LRIF1: variants seen among roughly 807,000 people sequenced by gnomAD.
LRIF1 encodes the protein ligand dependent nuclear receptor interacting factor 1.
In LRIF1, 32 loss-of-function variants were observed where a neutral mutation model predicts 52.7. The observed-to-expected ratio is 0.61, with a 90% CI of 0.46 to 0.82. LRIF1 has a LOEUF of 0.82. Among genes scored for constraint, LRIF1 ranks in the 40% least tolerant of loss-of-function variants. The pLI is 0.00. For missense variants in LRIF1, 887 were observed against 892.0 expected (o/e 0.99, Z 0.07); for synonymous variants, 323 against 317.4 (o/e 1.02, Z -0.19).
intron 1 of LRIF1, among the ~76,000 whole-genome samples, chr1:110,954,350 G>C (rs760178899): frequency 6.6e-6 from 1 of 151,924 alleles, no homozygotes; most frequent in Non-Finnish European, 1.5e-5. Context: ...GTACAATCTT[G>C]GCTCACTGCA....
the LRIF1 span, among the ~76,000 whole-genome samples, chr1:110,935,036 A>G: frequency 2.0e-5 from 3 of 152,106 alleles, no homozygotes; most frequent in Admixed American, 2.0e-4. Flanking sequence ...AGAGAACAGG[A>G]GCCTCTGCCT....
intron 1 of LRIF1, among the ~76,000 whole-genome samples, chr1:110,961,530 A>T (rs1658946486): frequency 6.6e-6 from 1 of 152,176 alleles, no homozygotes. Flanking sequence ...CTAAGATTAA[A>T]TTTGGGTTTT....
At position 110,948,223 on chromosome 1, in the gene LRIF1, C is replaced by T. The variant is rs996755422; in HGVS notation, c.2046G>A (p.Thr682=). ...TTTCTTGTCTGGTTTTGCTGTGACT[C>T]GTGAGAATGTTATGTTGTGACACAT... The part of the protein sequence containing the change: ...TSDVSQHNIL[T]SHSKTRQEKR... The change falls in exon 4 of 4, where the codon ACG becomes ACA. Residue 682 remains threonine (T), a synonymous_variant. Coordinates refer to ENST00000369763, the MANE Select transcript of LRIF1 (RefSeq NM_018372.4). The T allele has an allele frequency of 2.4e-5, 39 of 1,613,908 alleles. No homozygotes were observed. The highest frequency in any genetic ancestry group is 3.3e-4 in the Middle Eastern group (2 of 6,082).
chr1:110,875,239 A>T, the LRIF1 span, among the ~76,000 whole-genome samples: 1 of 152,182 alleles, frequency 6.6e-6, no homozygotes, highest in Non-Finnish European at 1.5e-5. Flanking sequence ...GCAGTGTAAC[A>T]CACCATGTTT....
At chr1:110,938,747 T>C in the LRIF1 span, 1 of 152,174 alleles carries the variant, frequency 6.6e-6, no homozygotes, top group Admixed American at 6.5e-5. Context: ...GGCATCCAGA[T>C]TGGACAGGAA....
At chr1:110,916,342 A>G in the LRIF1 span, among the ~76,000 whole-genome samples, 1 of 152,210 alleles carries the variant, frequency 6.6e-6, no homozygotes, top group Non-Finnish European at 1.5e-5. Context: ...AAAGAAGATG[A>G]ACATATTGAT....
At chr1:110,892,493 G>T in the LRIF1 span, 2 of 1,614,014 alleles carry the variant, frequency 1.2e-6, no homozygotes, top group Non-Finnish European at 1.7e-6. Flanking sequence ...TTCCTGGGCT[G>T]CATGGGCTCT....
chr1:110,950,506 C>T (rs1658423613), intron 2 of LRIF1, among the ~76,000 whole-genome samples: 1 of 152,086 alleles, frequency 6.6e-6, no homozygotes, highest in African/African-American at 2.4e-5. Context: ...AATTTACCTC[C>T]TTACATCTCT....
chr1:110,953,902 T>G (rs894328109), intron 1 of LRIF1, among the ~76,000 whole-genome samples: 2 of 152,158 alleles, frequency 1.3e-5, no homozygotes, highest in African/African-American at 4.8e-5. Flanking sequence ...ACATTATGCT[T>G]GTTAGCTTCC....
chr1:110,901,787 T>C, the LRIF1 span, among the ~76,000 whole-genome samples: 1 of 152,242 alleles, frequency 6.6e-6, no homozygotes, highest in Non-Finnish European at 1.5e-5. Context: ...GACATTCTCT[T>C]GAGTATCACA....
At chr1:110,919,558 G>A in the LRIF1 span, among the ~76,000 whole-genome samples, 2 of 151,930 alleles carry the variant, frequency 1.3e-5, no homozygotes, top group African/African-American at 2.4e-5. Flanking sequence ...TATTAGTTCC[G>A]TCCCTCTAGG....
the LRIF1 span, among the ~76,000 whole-genome samples, chr1:110,889,327 C>T: frequency 1.3e-5 from 2 of 151,684 alleles, no homozygotes; most frequent in African/African-American, 2.4e-5. Context: ...GAGGCTGAGA[C>T]GGGTAGATCA....
At chr1:110,911,872 A>G in the LRIF1 span, among the ~76,000 whole-genome samples, 1 of 152,212 alleles carries the variant, frequency 6.6e-6, no homozygotes, top group Non-Finnish European at 1.5e-5. Flanking sequence ...ATTAAGAGCT[A>G]TCTATGACAA....
the LRIF1 span, among the ~76,000 whole-genome samples, chr1:110,895,743 A>G: frequency 6.6e-6 from 1 of 152,124 alleles, no homozygotes; most frequent in South Asian, 2.1e-4. Flanking sequence ...TTATTACATA[A>G]TTTTTAGAAA....
chr1:110,886,995 A>G, the LRIF1 span, among the ~76,000 whole-genome samples: 1 of 151,022 alleles, frequency 6.6e-6, no homozygotes, highest in South Asian at 2.1e-4. Flanking sequence ...CATGTCACAC[A>G]TTGTAGTTTC....
chr1:110,961,111 C>T (rs1160028151), intron 1 of LRIF1, among the ~76,000 whole-genome samples: 1 of 152,186 alleles, frequency 6.6e-6, no homozygotes, highest in East Asian at 1.9e-4. Context: ...TTATCTTTAA[C>T]TGGATAGCTG....
At chr1:110,919,040 A>G in the LRIF1 span, among the ~76,000 whole-genome samples, 4 of 152,214 alleles carry the variant, frequency 2.6e-5, no homozygotes, top group African/African-American at 4.8e-5. Flanking sequence ...CTATACATTT[A>G]CTTTGAGGTG....
chr1:110,886,314 G>T, the LRIF1 span, among the ~76,000 whole-genome samples: 1 of 151,946 alleles, frequency 6.6e-6, no homozygotes, highest in African/African-American at 2.4e-5. Flanking sequence ...TGAGTACTTT[G>T]ATTATAAAGA....
the LRIF1 span, among the ~76,000 whole-genome samples, chr1:110,898,718 G>A: frequency 6.6e-6 from 1 of 151,758 alleles, no homozygotes; most frequent in Admixed American, 6.6e-5. Context: ...AAAGTGTTGG[G>A]TATATCATAG....
Sources: gnomAD v4.1 joint callset for allele counts (sites outside exome capture counted in the v4.1 genomes callset) on GRCh38, gnomAD v4.1.1 for gene constraint, MANE v1.5 for transcripts, NCBI Gene and HGNC (gene_info 2026-07-23, HGNC 2026-07-21) for gene names.